Variants in GLRA2 observed in about 807,000 individuals in gnomAD.
GLRA2 encodes glycine receptor alpha 2.
In GLRA2, 11 loss-of-function variants were observed where a neutral mutation model predicts 31.6. The ratio of observed to expected loss-of-function variants is 0.35; its 90% CI spans 0.22 to 0.58. The LOEUF is 0.58. GLRA2 is among the 20% of genes least tolerant of loss of function. The pLI, the probability that GLRA2 is intolerant of heterozygous loss-of-function variation, is 0.84. For missense variants in GLRA2, 212 were observed against 351.8 expected, an observed-to-expected ratio of 0.60 and a Z score of 3.18; for synonymous variants, 132 against 134.0, an observed-to-expected ratio of 0.99 and a Z score of 0.10.
chrX:14,581,895 A>G (rs2090021192), intron 4 of GLRA2, among the ~76,000 whole-genome samples: 1 of 110,277 alleles, frequency 9.1e-6, no homozygotes, highest in Non-Finnish European at 1.9e-5. Flanking sequence ...CTTCTAAGTA[A>G]ACACGTGACC....
intron 2 of GLRA2, among the ~76,000 whole-genome samples, chrX:14,538,523 A>C (rs374856962): frequency 9.0e-6 from 1 of 111,301 alleles, no homozygotes; most frequent in African/African-American, 3.3e-5. Context: ...CATAAGCCTC[A>C]GTTGGTTTTC....
intron 4 of GLRA2, among the ~76,000 whole-genome samples, chrX:14,586,288 A>G (rs1474985718): frequency 8.9e-6 from 1 of 112,252 alleles, no homozygotes; most frequent in Non-Finnish European, 1.9e-5. Flanking sequence ...TCTCAGTGTT[A>G]ATAAACCTTT....
chrX:14,680,654 T>C (rs1375087387), intron 7 of GLRA2, among the ~76,000 whole-genome samples: 3 of 112,144 alleles, frequency 2.7e-5, no homozygotes, highest in South Asian at 3.7e-4. Flanking sequence ...TCATATGTGA[T>C]AGATGTCTCA....
At chrX:14,693,014 C>T (rs2091384408) in intron 8 of GLRA2, among the ~76,000 whole-genome samples, 1 of 106,130 alleles carries the variant, frequency 9.4e-6, no homozygotes, top group Non-Finnish European at 1.9e-5. Flanking sequence ...GCACATTGTG[C>T]ACATGTACCC....
chrX:14,483,110 AC>A, the GLRA2 span, among the ~76,000 whole-genome samples: 1 of 112,118 alleles, frequency 8.9e-6, no homozygotes, highest in East Asian at 2.8e-4. Flanking sequence ...TGAAAGAGAT[AC>A]CTGAATGTAA....
chrX:14,562,088 C>CG (rs1467646302), intron 2 of GLRA2, among the ~76,000 whole-genome samples: 1 of 111,950 alleles, frequency 8.9e-6, no homozygotes, highest in African/African-American at 3.2e-5. Context: ...ATGACACACA[C>CG]TATTTATTTT....
chrX:14,730,295 A>G lies in GLRA2; in HGVS notation c.1169A>G (p.Lys390Arg), dbSNP rs1036565254. 2.5e-6 allele frequency: 3 copies of G among 1,208,798 alleles called. No homozygotes were observed. The highest frequency in any genetic ancestry group is 5.9e-5 in the East Asian group (2 of 33,802). The change falls in exon 9 of 9, where the codon AAG (lysine) becomes AGG (arginine). Residue 390 changes from lysine to arginine, a missense_variant. By Grantham distance (26) the Lys-to-Arg change is conservative. This residue lies in a region of GLRA2 where 42 missense variants were observed against 52.0 expected (regional missense o/e 0.81). Coordinates refer to ENST00000218075, the MANE Select transcript of GLRA2 (RefSeq NM_002063.4). ...CAAGTGAAAGATGGAACAGCTGTCA[A>G]GGCCACACCTGCCAACCCACTCCCA... ...CLQVKDGTAV[K>R]ATPANPLPQP...
chrX:14,705,241 C>T (rs1175971910), intron 8 of GLRA2, among the ~76,000 whole-genome samples: 1 of 112,067 alleles, frequency 8.9e-6, no homozygotes, highest in East Asian at 2.8e-4. Context: ...ACTCCAAGAC[C>T]TTCAAGAGGA....
At chrX:14,618,020 T>TA (rs1392007034) in intron 7 of GLRA2, among the ~76,000 whole-genome samples, 2 of 112,006 alleles carry the variant, frequency 1.8e-5, no homozygotes, top group Admixed American at 9.5e-5. Flanking sequence ...GATATTAACT[T>TA]TAGTGTCCTT....
intron 4 of GLRA2, among the ~76,000 whole-genome samples, chrX:14,596,289 T>C (rs1201209324): frequency 4.5e-5 from 5 of 111,505 alleles, no homozygotes; most frequent in Non-Finnish European, 9.4e-5. Context: ...AAAGGCATGA[T>C]GGTCTTGGCT....
intron 4 of GLRA2, among the ~76,000 whole-genome samples, chrX:14,603,583 A>G (rs775578248): frequency 8.9e-6 from 1 of 111,734 alleles, no homozygotes; most frequent in South Asian, 3.7e-4. Flanking sequence ...AAACTATAAA[A>G]ATTCTAGAAG....
chrX:14,675,827 C>T lies in GLRA2; in HGVS notation c.931-14883C>T, dbSNP rs2147162437. Among the ~76,000 whole-genome samples the T allele has an allele frequency of 2.7e-5, 3 of 111,881 alleles. No homozygotes were observed. The South Asian group carries it at 1.1e-3, about 42-fold the overall frequency. Reference sequence around the variant, plus strand: ...GATTAACTTGACTATATTTTTTTCTCGTGATACAGTTACTGAATATAGGTA... The same window carrying T: ...GATTAACTTGACTATATTTTTTTCTTGTGATACAGTTACTGAATATAGGTA... On this transcript the variant is annotated intron_variant, in intron 7 of 8. Coordinates refer to ENST00000218075, the MANE Select transcript of GLRA2 (RefSeq NM_002063.4).
In GLRA2 at chrX:14,621,095, C is replaced by A. The variant is rs190316356; in HGVS notation, c.930+11890C>A. ...GACCCGTATGACTTAAACAGAAGAGCCCGTAAGTAGTTATTGTGGAAGTAC... is the reference window on the plus strand; with the variant it reads ...GACCCGTATGACTTAAACAGAAGAGACCGTAAGTAGTTATTGTGGAAGTAC... On this transcript the variant is annotated intron_variant, in intron 7 of 8. Coordinates refer to ENST00000218075, the MANE Select transcript of GLRA2 (RefSeq NM_002063.4). Among the ~76,000 whole-genome samples the A allele has an allele frequency of 4.5e-5, 5 of 111,394 alleles. No individual in the cohort carries two copies. The East Asian group carries it at 1.4e-3, about 32-fold the overall frequency.
chrX:14,538,604 A>G (rs1240740070), intron 2 of GLRA2, among the ~76,000 whole-genome samples: 2 of 111,545 alleles, frequency 1.8e-5, no homozygotes, highest in Non-Finnish European at 3.8e-5. Flanking sequence ...TAAAACAATG[A>G]GGGAGCCATT....
chrX:14,557,500 A>G (rs1003833744), intron 2 of GLRA2, among the ~76,000 whole-genome samples: 6 of 112,440 alleles, frequency 5.3e-5, no homozygotes, highest in Non-Finnish European at 1.1e-4. Flanking sequence ...CCATATGACC[A>G]AGAAATATTT....
rs745715133 is a variant in GLRA2, at chrX:14,609,127, T to G, written c.852T>G (p.Pro284=). 4 of 1,203,621 alleles carry G rather than the reference T, an allele frequency of 3.3e-6. No homozygotes were observed. The Admixed American group carries it at 6.5e-5, about 20-fold the overall frequency. ...TTTGGATAAATATGGATGCAGCCCC[T>G]GCCAGGGTCGCACTGGGCATCACCA... The part of the protein sequence containing the change: ...VSFWINMDAA[P]ARVALGITTV... The change falls in exon 7 of 9, where the codon CCT becomes CCG. Residue 284 remains proline (P), a synonymous_variant. Coordinates refer to ENST00000218075, the MANE Select transcript of GLRA2 (RefSeq NM_002063.4).
intron 8 of GLRA2, among the ~76,000 whole-genome samples, chrX:14,724,143 CATTCGTATATGTATATGTGTGTATATGT>C (rs1315760878): frequency 4.5e-5 from 5 of 111,332 alleles, no homozygotes; most frequent in African/African-American, 1.6e-4. Context: ...TGTGTATATG[CATTCGTATATGTATATGTGTGTATATGT>C]ATAAATATGT....
At chrX:14,676,151 G>A (rs986389448) in intron 7 of GLRA2, among the ~76,000 whole-genome samples, 2 of 112,387 alleles carry the variant, frequency 1.8e-5, no homozygotes, top group Non-Finnish European at 3.8e-5. Flanking sequence ...TAGATAAAAT[G>A]AAATTGTACT....
At chrX:14,479,676 G>A in the GLRA2 span, among the ~76,000 whole-genome samples, 1 of 111,433 alleles carries the variant, frequency 9.0e-6, no homozygotes, top group Non-Finnish European at 1.9e-5. Context: ...GCCTCTAGCT[G>A]CATCTATGTT....
Sources: allele counts gnomAD v4.1 joint callset (sites outside exome capture counted in the v4.1 genomes callset), GRCh38; gene constraint gnomAD v4.1.1; regional missense constraint gnomAD v4.1.1; transcripts MANE v1.5; gene names NCBI Gene and HGNC (gene_info 2026-07-23, HGNC 2026-07-21).